Variants in ERC2 observed in about 807,000 individuals in gnomAD.
ERC2 encodes the protein ERC protein 2.
A neutral mutation model predicts 114.8 loss-of-function variants in ERC2; 42 were observed. That is an observed-to-expected ratio of 0.37 (90% CI 0.29 to 0.47). The LOEUF (loss-of-function observed/expected upper bound fraction) is 0.47. Among genes scored for constraint, ERC2 ranks in the 20% least tolerant of loss-of-function variants. The pLI is 0.99. For synonymous variants in ERC2, 454 were observed against 425.5 expected (o/e 1.07, Z -0.82); for missense variants, 939 against 1,150.7 (o/e 0.82, Z 2.66).
chr3:55,599,089 G>A lies in ERC2; in HGVS notation c.*39+84705C>T, dbSNP rs1014730349. ...CTCCCTTCAAACATCAAAAACTTTT[G>A]CAGACTCCTCCACCTAAGTGTAATT... On this transcript the variant is annotated intron_variant, in intron 17 of 17. Coordinates refer to ENST00000288221, the MANE Select transcript of ERC2 (RefSeq NM_015576.3). 2.6e-5 allele frequency among the ~76,000 whole-genome samples: 4 copies of A among 152,188 alleles called. No homozygotes were observed. The South Asian group carries it at 8.3e-4, about 32-fold the overall frequency.
At chr3:56,305,512 C>A (rs796545554) in intron 2 of ERC2, among the ~76,000 whole-genome samples, 63 of 144,440 alleles carry the variant, frequency 4.4e-4, no homozygotes, top group African/African-American at 1.4e-3. Flanking sequence ...ACTCTCTTAT[C>A]CACACACACA....
intron 3 of ERC2, among the ~76,000 whole-genome samples, chr3:56,257,791 G>T (rs1029673562): frequency 1.3e-5 from 2 of 152,186 alleles, no homozygotes; most frequent in South Asian, 2.1e-4. Context: ...GACTGCCAGA[G>T]ATGTAAAAGC....
chr3:55,627,399 G>A (rs2059561311), intron 17 of ERC2, among the ~76,000 whole-genome samples: 1 of 152,112 alleles, frequency 6.6e-6, no homozygotes, highest in Non-Finnish European at 1.5e-5. Context: ...CCAGGAGGCA[G>A]AGGTTGCAGT....
chr3:56,443,958 A>ATTTTTTTTTTTTT (rs11343406), intron 1 of ERC2, among the ~76,000 whole-genome samples: 107 of 80,220 alleles, frequency 1.3e-3, no homozygotes, highest in Admixed American at 2.3e-3. Context: ...AATACCTACA[A>ATTTTTTTTTTTTT]TTTTTTTTTT....
intron 12 of ERC2, among the ~76,000 whole-genome samples, chr3:55,953,049 C>T (rs889805048): frequency 2.0e-5 from 3 of 151,564 alleles, no homozygotes; most frequent in Non-Finnish European, 4.4e-5. Context: ...AACAAACAAA[C>T]AAAAAAATAG....
intron 14 of ERC2, among the ~76,000 whole-genome samples, chr3:55,826,170 C>T (rs183991428): frequency 3.2e-4 from 49 of 152,264 alleles, no homozygotes; most frequent in African/African-American, 1.2e-3. Context: ...GCAATACTGG[C>T]AAATTACAAA....
chr3:56,030,619 T>A (rs2074320925), intron 7 of ERC2, among the ~76,000 whole-genome samples: 2 of 152,214 alleles, frequency 1.3e-5, no homozygotes, highest in South Asian at 4.1e-4. Context: ...TATCTGATAT[T>A]AATATAGCCA....
chr3:56,164,752 G>A (rs1025787031), intron 4 of ERC2, among the ~76,000 whole-genome samples: 30 of 152,032 alleles, frequency 2.0e-4, no homozygotes, highest in East Asian at 7.7e-4. Context: ...CCTCCCCAAC[G>A]CTCATTATTG....
intron 17 of ERC2, among the ~76,000 whole-genome samples, chr3:55,662,718 C>G (rs150826615): frequency 1.3e-5 from 2 of 152,110 alleles, no homozygotes; most frequent in Non-Finnish European, 2.9e-5. Flanking sequence ...GTGAAAAATA[C>G]CATGTTAGAC....
chr3:55,520,695 T>C (rs1192034973), intron 17 of ERC2, among the ~76,000 whole-genome samples: 2 of 152,218 alleles, frequency 1.3e-5, no homozygotes, highest in African/African-American at 4.8e-5. Context: ...AAAAGTCAGC[T>C]TACCTGAGGT....
Position 55,760,126 on chromosome 3 carries a change from A to G in ERC2, c.2565-25208T>C, listed in dbSNP as rs180898410. 3.0e-3 allele frequency among the ~76,000 whole-genome samples: 456 copies of G among 152,328 alleles called. 4 individuals are homozygous for G. The highest frequency in any genetic ancestry group is 0.01 in the African/African-American group (427 of 41,576). ...TCTAATGGCTGAAAAAGGCAAATTC[A>G]CAGCACGGACAGAGTAACACATTGA... On this transcript the variant is annotated intron_variant, in intron 14 of 17. Coordinates refer to ENST00000288221, the MANE Select transcript of ERC2 (RefSeq NM_015576.3).
intron 7 of ERC2, among the ~76,000 whole-genome samples, chr3:56,064,339 C>A (rs1478359963): frequency 5.3e-5 from 8 of 152,234 alleles, no homozygotes; most frequent in African/African-American, 1.9e-4. Context: ...TTCACAAGTT[C>A]ACAGACATTC....
At chr3:56,356,757 G>A (rs763484343) in intron 2 of ERC2, among the ~76,000 whole-genome samples, 1 of 152,140 alleles carries the variant, frequency 6.6e-6, no homozygotes, top group Non-Finnish European at 1.5e-5. Context: ...ATATTCTCTG[G>A]ATACCAGACA....
chr3:55,828,521 A>C (rs2060431166), intron 14 of ERC2, among the ~76,000 whole-genome samples: 1 of 109,920 alleles, frequency 9.1e-6, no homozygotes, highest in African/African-American at 5.0e-5. Context: ...CCCCCAAGAA[A>C]AATCCCGTCC....
intron 3 of ERC2, among the ~76,000 whole-genome samples, chr3:56,232,465 T>C (rs529347608): frequency 6.6e-6 from 1 of 152,240 alleles, no homozygotes; most frequent in East Asian, 1.9e-4. Context: ...ATCTATAATT[T>C]TCCTTCTTTT....
chr3:55,910,549 C>T (rs2064742334), intron 13 of ERC2, among the ~76,000 whole-genome samples: 2 of 152,142 alleles, frequency 1.3e-5, no homozygotes, highest in South Asian at 4.1e-4. Flanking sequence ...TAGGGGTTTC[C>T]CTAAGAGTCA....
chr3:56,245,070 C>A (rs1383553021), intron 3 of ERC2, among the ~76,000 whole-genome samples: 2 of 151,966 alleles, frequency 1.3e-5, no homozygotes, highest in African/African-American at 2.4e-5. Context: ...TAGACTATAC[C>A]ACATAGGTTT....
intron 10 of ERC2, among the ~76,000 whole-genome samples, chr3:56,000,533 G>A (rs2071956191): frequency 6.6e-6 from 1 of 151,996 alleles, no homozygotes; most frequent in South Asian, 2.1e-4. Flanking sequence ...GCTAATAAAT[G>A]TACTGGAAAA....
At chr3:55,703,788 A>G (rs1427606834) in intron 15 of ERC2, among the ~76,000 whole-genome samples, 1 of 152,248 alleles carries the variant, frequency 6.6e-6, no homozygotes, top group East Asian at 1.9e-4. Context: ...TTGATGTGGC[A>G]GTTTAACTTT....
Sources: allele counts gnomAD v4.1 joint callset (sites outside exome capture counted in the v4.1 genomes callset), GRCh38; gene constraint gnomAD v4.1.1; transcripts MANE v1.5; gene names NCBI Gene and HGNC (gene_info 2026-07-23, HGNC 2026-07-21).